SNX30: variants seen among roughly 807,000 people sequenced by gnomAD.
SNX30 encodes sorting nexin-30.
SNX30 carries 24 observed loss-of-function variants against 46.4 expected under a neutral mutation model. The ratio of observed to expected loss-of-function variants is 0.52; its 90% CI spans 0.37 to 0.73. The LOEUF is 0.73. SNX30 is among the 30% of genes least tolerant of loss of function. The pLI is 0.00. For synonymous variants in SNX30, 189 were observed against 211.5 expected (o/e 0.89, Z 0.92); for missense variants, 533 against 555.7 (o/e 0.96, Z 0.41).
At chr9:112,831,794 G>A (rs111569745) in intron 4 of SNX30, among the ~76,000 whole-genome samples, 15 of 152,332 alleles carry the variant, frequency 9.8e-5, no homozygotes, top group African/African-American at 3.6e-4. Flanking sequence ...GCACTTCCCT[G>A]TTGGCAGAAC....
Position 112,851,038 on chromosome 9 carries a change from G to A in SNX30, c.1101+93G>A, listed in dbSNP as rs541266929. The A allele has an allele frequency of 1.6e-4, 143 of 904,982 alleles. 1 individual carries two copies. The Middle Eastern group carries it at 1.7e-3, about 11-fold the overall frequency. 56.1% of individuals were successfully genotyped at this position (904,982 alleles called of 1,614,324 possible). A position where few individuals can be genotyped will look rare whatever the true frequency, so the allele number is the denominator to read the frequency against. ...TCTCTAGATCTGTATGACTAAGAGT[G>A]GTCAGTGCCGGCTGGGCTACGTTGA... On this transcript the variant is annotated intron_variant, in intron 7 of 8. Coordinates refer to ENST00000374232, the MANE Select transcript of SNX30 (RefSeq NM_001012994.2).
At chr9:112,880,592 C>G (rs1451780244) in intron 5 of SNX30, 2 of 153,184 alleles carry the variant, frequency 1.3e-5, no homozygotes, top group Non-Finnish European at 2.9e-5. Flanking sequence ...CCCAACCTCC[C>G]TGGTAGGTGG....
intron 1 of SNX30, among the ~76,000 whole-genome samples, chr9:112,768,382 T>C (rs1194343384): frequency 6.6e-6 from 1 of 152,232 alleles, no homozygotes. Context: ...TCATAGAAAC[T>C]GCAGACTCTC....
rs187424230 is a variant in SNX30 at position 112,793,868 on chromosome 9, C to T, written c.157-10908C>T. 2.4e-4 allele frequency among the ~76,000 whole-genome samples: 35 copies of T among 147,404 alleles called. No homozygotes were observed. The South Asian group carries it at 6.0e-3, about 25-fold the overall frequency. On this transcript the variant is annotated intron_variant, in intron 1 of 8. Transcript: ENST00000374232. ...ATCTGGAGGGTGGAAAAAGGGAGAACGCAGAGGCTTGTGTTCAACTCACTG... is the reference window on the plus strand; with the variant it reads ...ATCTGGAGGGTGGAAAAAGGGAGAATGCAGAGGCTTGTGTTCAACTCACTG...
chr9:112,785,350 G>GGACTACA (rs1839905669), intron 1 of SNX30, among the ~76,000 whole-genome samples: 3 of 151,570 alleles, frequency 2.0e-5, no homozygotes, highest in African/African-American at 7.3e-5. Context: ...CGAGTAGCTG[G>GGACTACA]GACTACAGGT....
chr9:112,813,278 C>T lies in SNX30; in HGVS notation c.349-4427C>T, dbSNP rs1461380709. Among the ~76,000 whole-genome samples, 5 of 151,860 alleles carry T rather than the reference C, an allele frequency of 3.3e-5. No individual in the cohort carries two copies. The East Asian group carries it at 9.7e-4, about 29-fold the overall frequency. ...AGGAGTTAGAGACCAGCCTGGGCAA[C>T]ATAGTGAGACGCCTATCTCTACAAA... is the stretch of plus-strand genomic sequence containing the variant. On this transcript the variant is annotated intron_variant, in intron 2 of 8. Transcript: ENST00000374232.
chr9:112,865,114 GCACACCACACACCCCCTACACATA>G (rs1234966097), intron 8 of SNX30, among the ~76,000 whole-genome samples: 1 of 75,624 alleles, frequency 1.3e-5, no homozygotes, highest in Non-Finnish European at 2.4e-5. Flanking sequence ...CATACTACAT[GCACACCACACACCCCCTACACATA>G]CACCCCACAT....
intron 7 of SNX30, among the ~76,000 whole-genome samples, chr9:112,854,414 G>A (rs961961276): frequency 5.3e-5 from 8 of 152,094 alleles, no homozygotes; most frequent in African/African-American, 1.7e-4. Flanking sequence ...TCATCCTCTC[G>A]GCCACAGGAA....
Position 112,838,532 on chromosome 9 carries a change from G to A in SNX30, c.849G>A (p.Val283=). ...YLVELREYGP[V]YSTWSALEGE... is the part of the protein sequence containing the mutation. ...TGGAGCTGAGAGAATACGGGCCTGT[G>A]TACTCCACATGGAGCGCCTTGGAGG... is the stretch of plus-strand genomic sequence containing the variant. The change falls in exon 6 of 9, where the codon GTG becomes GTA. Residue 283 remains valine (V), a synonymous_variant. Coordinates refer to ENST00000374232, the MANE Select transcript of SNX30 (RefSeq NM_001012994.2). 1 of 1,614,104 alleles carries A rather than the reference G, an allele frequency of 6.2e-7. No individual in the cohort carries two copies. Among genetic ancestry groups the A allele is most frequent in the Non-Finnish European group, 8.5e-7 (1 of 1,179,986 alleles).
intron 5 of SNX30, among the ~76,000 whole-genome samples, chr9:112,837,579 C>T (rs1840778135): frequency 6.6e-6 from 1 of 151,660 alleles, no homozygotes; most frequent in Admixed American, 6.6e-5. Context: ...GGGTTCACGC[C>T]ATTCTCCTGC....
intron 5 of SNX30, among the ~76,000 whole-genome samples, chr9:112,838,026 G>T (rs1012659735): frequency 6.6e-6 from 1 of 151,238 alleles, no homozygotes; most frequent in African/African-American, 2.4e-5. Context: ...GAGTAGTTGG[G>T]ACTATAGGCG....
chr9:112,798,121 CTTTTTTTTTTTTTTTTTT>C (rs57300324), intron 1 of SNX30, among the ~76,000 whole-genome samples: 1 of 77,884 alleles, frequency 1.3e-5, no homozygotes, highest in Non-Finnish European at 2.4e-5. Flanking sequence ...TTTTTTTTTT[CTTTTTTTTTTTTTTTTTT>C]TATTATACTC....
intron 5 of SNX30, among the ~76,000 whole-genome samples, chr9:112,837,778 GATTTT>G (rs112353668): frequency 0.03 from 4,573 of 150,848 alleles, 238 homozygotes; most frequent in African/African-American, 0.1. Flanking sequence ...CCTGGCCCCT[GATTTT>G]ATTTTTTAAC....
At chr9:112,850,131 C>A (rs1293156922) in intron 6 of SNX30, among the ~76,000 whole-genome samples, 2 of 152,208 alleles carry the variant, frequency 1.3e-5, no homozygotes, top group African/African-American at 2.4e-5. Context: ...ACATTTTGCA[C>A]CCCGGGTGCC....
intron 1 of SNX30, among the ~76,000 whole-genome samples, chr9:112,755,169 T>C (rs766646785): frequency 2.6e-4 from 40 of 152,264 alleles, no homozygotes; most frequent in Middle Eastern, 3.4e-3. Context: ...ATAAATGCCA[T>C]GGAAGGAGGA....
At chr9:112,805,222 AT>A (rs56049152) in intron 2 of SNX30, among the ~76,000 whole-genome samples, 10,143 of 151,868 alleles carry the variant, frequency 0.067, 809 homozygotes, top group African/African-American at 0.18. Flanking sequence ...ACTTGCGCTT[AT>A]TTTTTTTTTT....
rs1841255224 is a variant in SNX30 at position 112,862,552 on chromosome 9, T to C, written c.1102-1695T>C. Among the ~76,000 whole-genome samples, 3 of 152,036 alleles carry C rather than the reference T, an allele frequency of 2.0e-5. No homozygotes were observed. In the South Asian group the frequency reaches 6.2e-4, roughly 32 times the overall value. ...CAGTTTTTCCTGAGGTAACCAATAG[T>C]AATGGGTGGTCTTGGGAGGAGGCAA... On this transcript the variant is annotated intron_variant, in intron 7 of 8. Coordinates refer to ENST00000374232, the MANE Select transcript of SNX30 (RefSeq NM_001012994.2).
chr9:112,764,257 C>T (rs1052572904), intron 1 of SNX30, among the ~76,000 whole-genome samples: 14 of 152,164 alleles, frequency 9.2e-5, no homozygotes, highest in African/African-American at 2.4e-4. Flanking sequence ...GCACGCACAG[C>T]GAGCAAGGGG....
intron 6 of SNX30, among the ~76,000 whole-genome samples, chr9:112,844,178 C>T (rs1360076891): frequency 6.6e-6 from 1 of 152,088 alleles, no homozygotes; most frequent in African/African-American, 2.4e-5. Flanking sequence ...GCCAATGGCA[C>T]TTGCTGCTGT....
Sources: allele counts gnomAD v4.1 joint callset (sites outside exome capture counted in the v4.1 genomes callset), GRCh38; gene constraint gnomAD v4.1.1; transcripts MANE v1.5; gene names NCBI Gene and HGNC (gene_info 2026-07-23, HGNC 2026-07-21).